The following TET3 variants were observed in gnomAD, a reference collection of about 807,000 sequenced individuals.
TET3 encodes the protein methylcytosine dioxygenase TET3.
In TET3, 19 loss-of-function variants were observed where a neutral mutation model predicts 141.4. The ratio of observed to expected loss-of-function variants is 0.13; its 90% CI spans 0.09 to 0.20. The LOEUF (loss-of-function observed/expected upper bound fraction) is 0.20. TET3 is among the 10% of genes least tolerant of loss of function. The probability of loss-of-function intolerance (pLI) is 1.00; values close to 1 mark genes in which losing one functional copy is unlikely to be tolerated. For missense variants in TET3, 1,874 were observed against 2,356.9 expected (o/e 0.80, Z 4.24); for synonymous variants, 1,043 against 980.9 (o/e 1.06, Z -1.18).
intron 4 of TET3, among the ~76,000 whole-genome samples, chr2:74,060,500 C>G (rs139570482): frequency 1.3e-5 from 2 of 151,992 alleles, no homozygotes; most frequent in African/African-American, 4.8e-5. Context: ...TATGTAAAGT[C>G]TTCATAAAAA....
intron 3 of TET3, among the ~76,000 whole-genome samples, chr2:74,036,080 G>T (rs1573751643): frequency 6.6e-6 from 1 of 152,300 alleles, no homozygotes; most frequent in African/African-American, 2.4e-5. Context: ...CTCTCGCGGT[G>T]CTTACTATGT....
At chr2:74,114,308 G>T in the TET3 span, among the ~76,000 whole-genome samples, 1 of 149,534 alleles carries the variant, frequency 6.7e-6, no homozygotes, top group Non-Finnish European at 1.5e-5. Flanking sequence ...ACTCGGGGGG[G>T]AGGGCTGGAA....
upstream of TET3, among the ~76,000 whole-genome samples, chr2:73,984,796 TCGC>T (rs995533182): frequency 6.9e-6 from 1 of 145,954 alleles, no homozygotes; most frequent in African/African-American, 2.5e-5. The surrounding 1 kb of genome is among the most constrained non-coding windows in gnomAD (Gnocchi z 5.6). Flanking sequence ...CACCCCCCTC[TCGC>T]CCGGCCCGGG....
the TET3 span, among the ~76,000 whole-genome samples, chr2:74,128,350 A>G: frequency 6.6e-6 from 1 of 152,236 alleles, no homozygotes; most frequent in Non-Finnish European, 1.5e-5. Flanking sequence ...CCCCCAGAAT[A>G]TATTTATATG....
intron 5 of TET3, among the ~76,000 whole-genome samples, chr2:74,075,162 G>A (rs999404663): frequency 3.9e-5 from 6 of 151,976 alleles, no homozygotes; most frequent in East Asian, 1.9e-4. Flanking sequence ...GAGCCACTGC[G>A]CCCAGCTGCA....
In TET3 at chr2:73,986,471, G is replaced by T; in HGVS notation, c.68G>T (p.Arg23Leu). The change falls in exon 2 of 12, where the codon CGC becomes CTC. Residue 23 changes from arginine to leucine, a missense_variant. By Grantham distance (102) the Arg-to-Leu change is moderately radical. Coordinates refer to ENST00000409262, the MANE Select transcript of TET3 (RefSeq NM_001287491.2). ...CCAGGCCTTTATGACTTCCCTCAGCGCCAGGTGATGGTAGGGAGCTTCCCG... is the reference window on the plus strand; with the variant it reads ...CCAGGCCTTTATGACTTCCCTCAGCTCCAGGTGATGGTAGGGAGCTTCCCG... ...DLPGLYDFPQ[R>L]QVMVGSFPGS... The T allele has an allele frequency of 8.1e-7, 1 of 1,232,202 alleles. No homozygotes were observed. Among genetic ancestry groups the T allele is most frequent in the Non-Finnish European group, 1.0e-6 (1 of 988,040 alleles). 76.3% of individuals were successfully genotyped at this position (1,232,202 alleles called of 1,614,324 possible).
Position 74,047,205 on chromosome 2 carries a change from A to G in TET3, c.1288A>G (p.Arg430Gly). 2 of 1,613,968 alleles carry G rather than the reference A, an allele frequency of 1.2e-6. No individual in the cohort carries two copies. Among genetic ancestry groups the G allele is most frequent in the Non-Finnish European group, 1.7e-6 (2 of 1,179,890 alleles). The change falls in exon 4 of 12, where the codon AGA becomes GGA. Residue 430 changes from arginine (R) to glycine (G), a missense_variant. Physicochemically the swap from Arg to Gly is moderately radical, Grantham distance 125. Coordinates refer to ENST00000409262, the MANE Select transcript of TET3 (RefSeq NM_001287491.2). The stretch of plus-strand genomic sequence containing the variant: ...CTCTGCCTTCCCTCCAGCAACTCCT[A>G]GAACTGAGTTCCCTGAAGCCTGGGG... ...DSSAFPPATP[R>G]TEFPEAWGTD...
At chr2:74,038,871 G>A (rs1011825882) in intron 3 of TET3, among the ~76,000 whole-genome samples, 1 of 152,220 alleles carries the variant, frequency 6.6e-6, no homozygotes, top group African/African-American at 2.4e-5. Flanking sequence ...GCCTGTGGTG[G>A]AAAGGACTGG....
At chr2:74,117,529 G>A in the TET3 span, among the ~76,000 whole-genome samples, 36,398 of 151,660 alleles carry the variant, frequency 0.24, 4,762 homozygotes, top group East Asian at 0.37. Context: ...GGCATGCATG[G>A]GATTACAGAC....
In TET3 at chr2:74,023,757, A is replaced by G. The variant is rs144122504; in HGVS notation, c.360+20591A>G. Among the ~76,000 whole-genome samples the G allele has an allele frequency of 2.5e-4, 38 of 152,224 alleles. No homozygotes were observed. The East Asian group carries it at 6.2e-3, about 25-fold the overall frequency. ...ATTGTTCTTTAATTCATGTTTTCAAAGTTTTTAGTAAAGCATTTCACAGAT... is the reference window on the plus strand; with the variant it reads ...ATTGTTCTTTAATTCATGTTTTCAAGGTTTTTAGTAAAGCATTTCACAGAT... On this transcript the variant is annotated intron_variant, in intron 3 of 11. Transcript: ENST00000409262.
chr2:74,008,342 C>T (rs529908004), intron 3 of TET3, among the ~76,000 whole-genome samples: 4 of 152,290 alleles, frequency 2.6e-5, no homozygotes, highest in South Asian at 2.1e-4. Context: ...GATGGAGGCC[C>T]GTCAGAGCCC....
chr2:74,020,611 C>G (rs904820028), intron 3 of TET3, among the ~76,000 whole-genome samples: 1 of 152,218 alleles, frequency 6.6e-6, no homozygotes. Context: ...GTCCCTGCCC[C>G]CACTGGTCTC....
rs1412692526 is a variant in TET3, at chr2:74,103,363, T to G, written c.*1187T>G. The G allele has an allele frequency of 6.6e-6, 1 of 152,266 alleles. No individual in the cohort carries two copies. Among genetic ancestry groups the G allele is most frequent in the African/African-American group, 2.4e-5 (1 of 41,420 alleles). 9.4% of individuals were successfully genotyped at this position (152,266 alleles called of 1,614,324 possible). On this transcript the variant is annotated 3_prime_UTR_variant, in exon 12 of 12. Transcript: ENST00000409262. The stretch of plus-strand genomic sequence containing the variant: ...CTCAGCAGACCAGTGTAACAACAGT[T>G]AATGCATCTATCCTGATCCCTGAAT...
At chr2:73,995,745 C>A (rs1417651115) in intron 2 of TET3, among the ~76,000 whole-genome samples, 1 of 152,172 alleles carries the variant, frequency 6.6e-6, no homozygotes, top group Non-Finnish European at 1.5e-5. Context: ...TAGAGTGACC[C>A]TGTGTGGTCC....
chr2:74,056,573 AG>A (rs1688229542), intron 4 of TET3, among the ~76,000 whole-genome samples: 1 of 152,176 alleles, frequency 6.6e-6, no homozygotes, highest in African/African-American at 2.4e-5. Flanking sequence ...TTCTTCTCTC[AG>A]TGGTCAAAAC....
At chr2:74,031,229 G>A (rs577752113) in intron 3 of TET3, among the ~76,000 whole-genome samples, 2 of 152,132 alleles carry the variant, frequency 1.3e-5, no homozygotes, top group South Asian at 2.1e-4. Flanking sequence ...TTGAGGGGAC[G>A]GAGGAGGAAA....
At chr2:74,090,668 A>G (rs919125385) in intron 8 of TET3, among the ~76,000 whole-genome samples, 1 of 152,190 alleles carries the variant, frequency 6.6e-6, no homozygotes, top group Non-Finnish European at 1.5e-5. Flanking sequence ...CCCAGCCCCA[A>G]GACAGCAGGG....
intron 3 of TET3, among the ~76,000 whole-genome samples, chr2:74,008,277 C>T (rs1210790887): frequency 6.6e-6 from 1 of 152,212 alleles, no homozygotes; most frequent in East Asian, 1.9e-4. Context: ...ATCTCAGCTT[C>T]TGTAGATAAG....
At chr2:74,108,664 T>C (rs1435481792), downstream of TET3, among the ~76,000 whole-genome samples, 2 of 152,228 alleles carry the variant, frequency 1.3e-5, no homozygotes, top group Admixed American at 1.3e-4. Context: ...GGAGCTACCT[T>C]CTTTAATTCA....
Sources: allele counts gnomAD v4.1 joint callset (sites outside exome capture counted in the v4.1 genomes callset), GRCh38; gene constraint gnomAD v4.1.1; non-coding constraint Gnocchi (gnomAD v3.1); transcripts MANE v1.5; gene names NCBI Gene and HGNC (gene_info 2026-07-23, HGNC 2026-07-21).